The following NIBAN1 variants were observed in gnomAD, a reference collection of about 807,000 sequenced individuals.
The protein encoded by NIBAN1 is protein Niban 1.
In NIBAN1, 81 loss-of-function variants were observed where a neutral mutation model predicts 75.1. That is an observed-to-expected ratio of 1.08 (90% confidence interval 0.90 to 1.30). The LOEUF (loss-of-function observed/expected upper bound fraction) is 1.30. Ranked by LOEUF, NIBAN1 falls within the 50% of genes most tolerant of loss-of-function variation. The pLI is 0.00. For synonymous variants in NIBAN1, 436 were observed against 424.8 expected (o/e 1.03, Z -0.32); for missense variants, 1,133 against 1,128.1 (o/e 1.00, Z -0.06).
chr1:184,831,858 C>G lies in NIBAN1; in HGVS notation c.706G>C (p.Asp236His). The stretch of plus-strand genomic sequence containing the variant: ...GAACCCCATATTACCTGGATTTCAT[C>G]CCCAGTGATCATTTCCCAGGAACCA... The part of the protein sequence containing the change: ...HYGSWEMITG[D>H]EIQILSNLVM... The change falls in exon 6 of 14, where the codon GAT becomes CAT. Residue 236 changes from aspartate (D) to histidine (H), a missense_variant. By Grantham distance (81) the Asp-to-His change is moderately conservative. Coordinates refer to ENST00000367511, the MANE Select transcript of NIBAN1 (RefSeq NM_052966.4). The G allele has an allele frequency of 6.2e-7, 1 of 1,613,712 alleles. No individual in the cohort carries two copies. Among genetic ancestry groups the G allele is most frequent in the Admixed American group, 1.7e-5 (1 of 60,008 alleles).
intron 1 of NIBAN1, among the ~76,000 whole-genome samples, chr1:184,930,700 C>T (rs552003086): frequency 1.2e-4 from 18 of 152,278 alleles, no homozygotes; most frequent in South Asian, 4.1e-4. Context: ...ATGACCATGA[C>T]GCTTCTATAT....
chr1:184,876,063 C>A (rs1656224658), intron 5 of NIBAN1, among the ~76,000 whole-genome samples: 2 of 151,008 alleles, frequency 1.3e-5, no homozygotes, highest in South Asian at 4.2e-4. Flanking sequence ...ATCCCAGCTA[C>A]TCAGAAGGCT....
intron 9 of NIBAN1, among the ~76,000 whole-genome samples, chr1:184,814,379 A>G (rs541382875): frequency 6.6e-6 from 1 of 152,326 alleles, no homozygotes; most frequent in African/African-American, 2.4e-5. Context: ...TAGCTTTAAC[A>G]TTAAAAATAC....
intron 6 of NIBAN1, among the ~76,000 whole-genome samples, chr1:184,825,538 A>C (rs1466302798): frequency 6.6e-6 from 1 of 152,274 alleles, no homozygotes; most frequent in East Asian, 1.9e-4. Flanking sequence ...AAAGGAAAAA[A>C]TAAAAAAAGA....
chr1:184,886,122 C>A (rs920130200), intron 4 of NIBAN1, among the ~76,000 whole-genome samples: 1 of 152,148 alleles, frequency 6.6e-6, no homozygotes, highest in Non-Finnish European at 1.5e-5. Flanking sequence ...TAAAAAAATT[C>A]TCATTCATCC....
At chr1:184,802,075 G>A (rs1654060746) in intron 12 of NIBAN1, among the ~76,000 whole-genome samples, 3 of 152,154 alleles carry the variant, frequency 2.0e-5, no homozygotes, top group African/African-American at 7.2e-5. Flanking sequence ...GCTACTTATA[G>A]AACCAAGGGA....
intron 5 of NIBAN1, among the ~76,000 whole-genome samples, chr1:184,883,480 A>G (rs1433343984): frequency 6.6e-6 from 1 of 152,222 alleles, no homozygotes; most frequent in African/African-American, 2.4e-5. Flanking sequence ...TGCCAAGAAC[A>G]AAGAGCGCAG....
At chr1:184,899,478 TCC>T (rs1178220017) in intron 1 of NIBAN1, among the ~76,000 whole-genome samples, 169 bp from the exon 2 acceptor site, 2 of 152,090 alleles carry the variant, frequency 1.3e-5, no homozygotes, top group East Asian at 3.9e-4. Flanking sequence ...TAGTCTGTCT[TCC>T]CGGAGAACTT....
chr1:184,835,294 T>C (rs1005122241), intron 5 of NIBAN1, among the ~76,000 whole-genome samples: 3 of 152,228 alleles, frequency 2.0e-5, no homozygotes, highest in African/African-American at 7.2e-5. Flanking sequence ...CCAGCTTTGT[T>C]CTTTTTGCTT....
chr1:184,875,084 A>G (rs1391634480), intron 5 of NIBAN1, among the ~76,000 whole-genome samples: 2 of 152,226 alleles, frequency 1.3e-5, no homozygotes. Context: ...GTTAAAAATA[A>G]TAATAATAGA....
chr1:184,797,137 C>CTTT (rs56272970), intron 13 of NIBAN1, among the ~76,000 whole-genome samples: 4 of 130,596 alleles, frequency 3.1e-5, no homozygotes, highest in Admixed American at 7.8e-5. Flanking sequence ...CCTTCTCCAG[C>CTTT]TTTTTTTTTT....
chr1:184,972,355 C>T (rs535851710), intron 1 of NIBAN1, among the ~76,000 whole-genome samples: 1 of 152,342 alleles, frequency 6.6e-6, no homozygotes, highest in African/African-American at 2.4e-5. Context: ...TATGATTTTA[C>T]TCAGGAACCT....
intron 1 of NIBAN1, among the ~76,000 whole-genome samples, chr1:184,926,363 G>C (rs983823894): frequency 6.6e-6 from 1 of 152,134 alleles, no homozygotes; most frequent in Non-Finnish European, 1.5e-5. Flanking sequence ...TCAGACTCCA[G>C]AGTAGTTGGG....
chr1:184,812,621 T>C (rs1429426599), intron 9 of NIBAN1, among the ~76,000 whole-genome samples: 1 of 152,230 alleles, frequency 6.6e-6, no homozygotes, highest in African/African-American at 2.4e-5. Context: ...TTTCTCTTGG[T>C]CTCTGCCTTC....
intron 5 of NIBAN1, among the ~76,000 whole-genome samples, chr1:184,834,708 T>G (rs184770595): frequency 9.2e-5 from 14 of 152,242 alleles, no homozygotes; most frequent in Admixed American, 7.9e-4. Flanking sequence ...GGGGTTGTTT[T>G]TTTTCTTGTA....
chr1:184,861,868 C>T (rs1317737939), intron 5 of NIBAN1, among the ~76,000 whole-genome samples: 1 of 152,118 alleles, frequency 6.6e-6, no homozygotes, highest in Non-Finnish European at 1.5e-5. Flanking sequence ...ATTAATCTTG[C>T]TCTGTGTTCT....
chr1:184,920,895 A>G (rs1041357760), intron 1 of NIBAN1, among the ~76,000 whole-genome samples: 1 of 152,166 alleles, frequency 6.6e-6, no homozygotes, highest in African/African-American at 2.4e-5. Flanking sequence ...GCACCTTGGA[A>G]GGCCAAGGCA....
Position 184,796,007 on chromosome 1 carries a change from A to T in NIBAN1, c.1757T>A (p.Leu586Gln). 6.2e-7 allele frequency: 1 copy of T among 1,612,812 alleles called. No individual in the cohort carries two copies. Among genetic ancestry groups the T allele is most frequent in the Non-Finnish European group, 8.5e-7 (1 of 1,179,944 alleles). The change falls in exon 14 of 14, where the codon CTA becomes CAA. Residue 586 changes from leucine (L) to glutamine (Q), a missense_variant. Transcript: ENST00000367511. ...CTGGTTTGACCCTGTGGGGGGCTTT[A>T]GATCTGTTAAGCTGGACACACTTTC... ...PSESVSSLTDLKPPTGSNQAS... is the reference protein window; with the variant it reads ...PSESVSSLTDQKPPTGSNQAS...
At chr1:184,843,461 G>A (rs1327168186) in intron 5 of NIBAN1, among the ~76,000 whole-genome samples, 1 of 151,898 alleles carries the variant, frequency 6.6e-6, no homozygotes, top group Non-Finnish European at 1.5e-5. Flanking sequence ...CAAAAAAAAA[G>A]AGAGAATATT....
Sources: gnomAD v4.1 joint callset for allele counts (sites outside exome capture counted in the v4.1 genomes callset) on GRCh38, gnomAD v4.1.1 for gene constraint, MANE v1.5 for transcripts, NCBI Gene and HGNC (gene_info 2026-07-23, HGNC 2026-07-21) for gene names.